The following MDGA2 variants were observed in gnomAD, a reference collection of about 807,000 sequenced individuals.
MDGA2 encodes MAM domain-containing glycosylphosphatidylinositol anchor protein 2.
A neutral mutation model predicts 117.8 loss-of-function variants in MDGA2; 40 were observed. The observed-to-expected ratio is 0.34, with a 90% CI of 0.26 to 0.44. MDGA2 has a LOEUF of 0.44. Ranked by LOEUF, MDGA2 falls within the 20% of genes least tolerant of loss-of-function variation. The pLI is 1.00. For missense variants in MDGA2, 1,123 were observed against 1,250.6 expected (o/e 0.90, Z 1.54); for synonymous variants, 452 against 439.0 (o/e 1.03, Z -0.37).
chr14:47,500,641 T>C (rs1298610811), intron 1 of MDGA2, among the ~76,000 whole-genome samples: 1 of 151,884 alleles, frequency 6.6e-6, no homozygotes, highest in Non-Finnish European at 1.5e-5. Flanking sequence ...GGGGTTCCAA[T>C]GGGTCCAGAA....
At chr14:46,880,368 C>T (rs1391637404) in intron 11 of MDGA2, among the ~76,000 whole-genome samples, 1 of 151,842 alleles carries the variant, frequency 6.6e-6, no homozygotes, top group East Asian at 1.9e-4. Context: ...TGAAGCAATA[C>T]AATAAATATG....
intron 2 of MDGA2, among the ~76,000 whole-genome samples, chr14:47,288,657 G>A (rs1888771874): frequency 6.6e-6 from 1 of 152,094 alleles, no homozygotes; most frequent in Non-Finnish European, 1.5e-5. Flanking sequence ...AATGTTTGCT[G>A]ATGGAAAAGG....
intron 1 of MDGA2, among the ~76,000 whole-genome samples, chr14:47,651,599 G>A (rs924239932): frequency 6.6e-6 from 1 of 152,034 alleles, no homozygotes; most frequent in Non-Finnish European, 1.5e-5. Flanking sequence ...CCATCACACA[G>A]GCTTGATGTA....
At chr14:46,851,659 G>A (rs184318871) in intron 15 of MDGA2, among the ~76,000 whole-genome samples, 1 of 151,930 alleles carries the variant, frequency 6.6e-6, no homozygotes, top group Admixed American at 6.6e-5. Context: ...GTAAATGCTA[G>A]TGAAAGAGAC....
chr14:47,218,690 T>C lies in MDGA2; in HGVS notation c.421-495A>G, dbSNP rs571006757. On this transcript the variant is annotated intron_variant, in intron 2 of 16. Transcript: ENST00000399232. ...ATAATACCATAATGGCTTATTGAGATTATGTATAATTTTAAACACCTGGTT... is the reference window on the plus strand; with the variant it reads ...ATAATACCATAATGGCTTATTGAGACTATGTATAATTTTAAACACCTGGTT... 3.3e-5 allele frequency among the ~76,000 whole-genome samples: 5 copies of C among 152,220 alleles called. No individual in the cohort carries two copies. In the South Asian group the frequency reaches 1.0e-3, roughly 32 times the overall value.
intron 1 of MDGA2, among the ~76,000 whole-genome samples, chr14:47,322,730 G>T (rs1271610476): frequency 2.0e-5 from 3 of 152,124 alleles, no homozygotes; most frequent in Non-Finnish European, 4.4e-5. Context: ...AATAATTCTA[G>T]CTTCTATGAA....
At chr14:47,026,650 A>T (rs889748453) in intron 8 of MDGA2, among the ~76,000 whole-genome samples, 4 of 152,076 alleles carry the variant, frequency 2.6e-5, no homozygotes, top group Non-Finnish European at 5.9e-5. Flanking sequence ...AGTATGTGTG[A>T]AATGCCCAAA....
intron 1 of MDGA2, among the ~76,000 whole-genome samples, chr14:47,333,940 T>C (rs1410374170): frequency 6.6e-6 from 1 of 151,840 alleles, no homozygotes; most frequent in Admixed American, 6.6e-5. Context: ...TGGATCCCTA[T>C]ATATTGTAAA....
intron 8 of MDGA2, among the ~76,000 whole-genome samples, chr14:46,999,499 G>C (rs148135484): frequency 6.6e-6 from 1 of 151,940 alleles, no homozygotes; most frequent in Non-Finnish European, 1.5e-5. Flanking sequence ...TTTTTGCACT[G>C]TAATTGAAGA....
At chr14:46,997,548 A>C (rs1887341220) in intron 8 of MDGA2, among the ~76,000 whole-genome samples, 1 of 152,146 alleles carries the variant, frequency 6.6e-6, no homozygotes, top group South Asian at 2.1e-4. Flanking sequence ...GAGCAGTACT[A>C]AGGCCCGTGG....
intron 2 of MDGA2, among the ~76,000 whole-genome samples, chr14:47,273,800 A>G (rs1888223056): frequency 6.6e-6 from 1 of 152,156 alleles, no homozygotes; most frequent in African/African-American, 2.4e-5. Context: ...TATGCTCCCT[A>G]TGCATGAAGA....
intron 1 of MDGA2, among the ~76,000 whole-genome samples, chr14:47,662,961 A>G (rs1321955335): frequency 6.6e-6 from 1 of 152,226 alleles, no homozygotes; most frequent in Non-Finnish European, 1.5e-5. Context: ...ACAAAGACCT[A>G]AAACTCTAAA....
At chr14:46,882,562 C>T (rs545337406) in intron 10 of MDGA2, among the ~76,000 whole-genome samples, 2 of 150,890 alleles carry the variant, frequency 1.3e-5, no homozygotes, top group African/African-American at 4.9e-5. Flanking sequence ...ATACGAGATT[C>T]TTGAATACTT....
intron 1 of MDGA2, among the ~76,000 whole-genome samples, chr14:47,470,180 T>C (rs539377679): frequency 4.6e-5 from 7 of 152,012 alleles, no homozygotes; most frequent in African/African-American, 1.7e-4. Context: ...TTTTGTTACA[T>C]AGGTATACAC....
chr14:47,193,668 C>T (rs1885190992), intron 3 of MDGA2, among the ~76,000 whole-genome samples: 1 of 152,186 alleles, frequency 6.6e-6, no homozygotes, highest in Non-Finnish European at 1.5e-5. Context: ...TAATTAGTGT[C>T]TGCAAAGTCA....
At chr14:46,864,066 TCCCCCCA>T (rs1369369616) in intron 14 of MDGA2, among the ~76,000 whole-genome samples, 1 of 48,888 alleles carries the variant, frequency 2.0e-5, no homozygotes, top group Non-Finnish European at 4.4e-5. Context: ...CCCTCCCCCC[TCCCCCCA>T]CCCCCCACCC....
intron 1 of MDGA2, among the ~76,000 whole-genome samples, chr14:47,388,018 T>G (rs997086105): frequency 1.3e-5 from 2 of 152,232 alleles, no homozygotes; most frequent in African/African-American, 4.8e-5. Context: ...TAATGTATGG[T>G]TACTCAGAAA....
intron 3 of MDGA2, among the ~76,000 whole-genome samples, chr14:47,217,364 G>A (rs535057019): frequency 4.0e-5 from 6 of 151,838 alleles, no homozygotes; most frequent in South Asian, 2.1e-4. Flanking sequence ...GCTTTGTTTC[G>A]GTGGGGAATT....
chr14:47,191,654 A>G (rs975139934), intron 3 of MDGA2, among the ~76,000 whole-genome samples: 1 of 152,152 alleles, frequency 6.6e-6, no homozygotes, highest in African/African-American at 2.4e-5. Context: ...CAAAGTAAGA[A>G]TAATATAAAT....
Sources: gnomAD v4.1 joint callset for allele counts (sites outside exome capture counted in the v4.1 genomes callset) on GRCh38, gnomAD v4.1.1 for gene constraint, MANE v1.5 for transcripts, NCBI Gene and HGNC (gene_info 2026-07-23, HGNC 2026-07-21) for gene names.